Variants in TCHP observed in about 807,000 individuals in gnomAD.
TCHP encodes trichoplein keratin filament binding, also known as trichoplein keratin filament-binding protein.
Under a neutral mutation model 88.7 loss-of-function variants are expected in TCHP, and 81 were observed. The observed-to-expected ratio is 0.91, with a 90% CI of 0.76 to 1.10. TCHP has a LOEUF of 1.10. Ranked by LOEUF, TCHP falls within the 50% of genes least tolerant of loss-of-function variation. The probability of loss-of-function intolerance (pLI) is 0.00; values close to 1 mark genes in which losing one functional copy is unlikely to be tolerated. For missense variants in TCHP, 641 were observed against 632.1 expected (o/e 1.01, Z -0.15); for synonymous variants, 232 against 232.5 (o/e 1.00, Z 0.02).
chr12:109,912,934 C>G, intron 9 of TCHP, 57 bp from the exon 10 acceptor site: 1 of 1,499,144 alleles, frequency 6.7e-7, no homozygotes, highest in Non-Finnish European at 9.3e-7. Flanking sequence ...TGTTCCGTAG[C>G]TCGCTTCCTG....
the TCHP span, among the ~76,000 whole-genome samples, chr12:109,880,917 G>T: frequency 6.6e-6 from 1 of 152,178 alleles, no homozygotes; most frequent in Admixed American, 6.5e-5. This position sits in a 1 kb window ranked among gnomAD's most constrained non-coding sequence, Gnocchi z 5.1. Context: ...GACCTGGGTG[G>T]ACACTGCTCT....
chr12:109,883,725 A>G, the TCHP span, among the ~76,000 whole-genome samples: 59 of 152,268 alleles, frequency 3.9e-4, no homozygotes, highest in African/African-American at 1.4e-3. Context: ...AACACTTTCC[A>G]TTCCAAACAA....
chr12:109,907,586 A>G lies in TCHP; in HGVS notation c.586A>G (p.Arg196Gly), dbSNP rs1349119601. Residue 196 changes from arginine to glycine, a missense_variant, in exon 6 of 13, where the codon AGG becomes GGG. By Grantham distance (125) the Arg-to-Gly change is moderately radical (BLOSUM62 -2). Coordinates refer to ENST00000405876, the MANE Select transcript of TCHP (RefSeq NM_001143852.2). ...RYENEYERAR[R>G]EALERMKAEE... ...TGAAAATGAATATGAAAGGGCCCGA[A>G]GGGAGGCGCTAGAAAGGATGAAAGC... 6.2e-7 allele frequency: 1 copy of G among 1,614,228 alleles called. No individual in the cohort carries two copies.
In TCHP at chr12:109,916,161, G is replaced by A. The variant is rs141433509; in HGVS notation, c.1465-430G>A. The stretch of plus-strand genomic sequence containing the variant: ...TTACCTAGGGCCACCCTGGCCACCC[G>A]GTGCCTAGAGTGCATTCCCCAGGAC... On this transcript the variant is annotated intron_variant, in intron 12 of 12. Coordinates refer to ENST00000405876, the MANE Select transcript of TCHP (RefSeq NM_001143852.2). Among the ~76,000 whole-genome samples, 1,077 of 152,322 alleles carry A rather than the reference G, an allele frequency of 7.1e-3. 7 individuals carry two copies. The highest frequency in any genetic ancestry group is 0.02 in the Middle Eastern group (6 of 294).
In TCHP at chr12:109,917,202, C is replaced by T. The variant is rs1269958139; in HGVS notation, c.*579C>T. On this transcript the variant is annotated 3_prime_UTR_variant, in exon 13 of 13. Coordinates refer to ENST00000405876, the MANE Select transcript of TCHP (RefSeq NM_001143852.2). ...CGGAACACTCTGACGTCCATGGACG[C>T]ATTCCAGAAAAGTGGCAAGAGATGA... The T allele has an allele frequency of 2.6e-5, 4 of 152,200 alleles. No individual in the cohort carries two copies. Among genetic ancestry groups the T allele is most frequent in the Admixed American group, 6.5e-5 (1 of 15,284 alleles). 9.4% of individuals were successfully genotyped at this position (152,200 alleles called of 1,614,324 possible).
At chr12:109,890,196 T>C in the TCHP span, among the ~76,000 whole-genome samples, 1 of 151,918 alleles carries the variant, frequency 6.6e-6, no homozygotes, top group African/African-American at 2.4e-5. Flanking sequence ...GAAGCCTGAC[T>C]GTGTCACAAT....
rs1415077628 is a variant in TCHP at position 109,900,374 on chromosome 12, C to T, written c.-53C>T. 3 of 152,252 alleles carry T rather than the reference C, an allele frequency of 2.0e-5. No homozygotes were observed. Among genetic ancestry groups the T allele is most frequent in the Admixed American group, 1.3e-4 (2 of 15,284 alleles). The allele number at this position is 152,252 out of a possible 1,614,324, so 9.4% of individuals were successfully genotyped here. ...GGGGACTGGCCGGCCCGCTTCGTGC[C>T]TGCGGGAAGTCGGGCCGGGGGACTC... On this transcript the variant is annotated 5_prime_UTR_variant, in exon 1 of 13. Coordinates refer to ENST00000405876, the MANE Select transcript of TCHP (RefSeq NM_001143852.2).
At chr12:109,897,533 T>C (rs954662455), upstream of TCHP, among the ~76,000 whole-genome samples, 6 of 151,156 alleles carry the variant, frequency 4.0e-5, no homozygotes, top group African/African-American at 1.5e-4. Context: ...CCAACTCACA[T>C]ATTTCTTTTT....
the TCHP span, among the ~76,000 whole-genome samples, chr12:109,888,666 C>G: frequency 1.3e-5 from 2 of 152,190 alleles, no homozygotes; most frequent in African/African-American, 4.8e-5. Context: ...TTTATTGCAG[C>G]ATAGTAATAA....
intron 11 of TCHP, 75 bp from the exon 12 acceptor site, chr12:109,915,328 T>TA: frequency 6.2e-7 from 1 of 1,607,592 alleles, no homozygotes; most frequent in South Asian, 1.1e-5. Flanking sequence ...GCCGCAGGCT[T>TA]ACCTTCCTCA....
rs1869985564 is a variant in TCHP, at chr12:109,904,142, A to G, written c.394A>G (p.Lys132Glu). The change falls in exon 3 of 13, where the codon AAA (lysine) becomes GAA (glutamate). Residue 132 changes from lysine (K) to glutamate (E), a missense_variant. Lys to Glu is a moderately conservative substitution (Grantham distance 56). Transcript: ENST00000405876. ...KLKSAKEEQRKLIAEQLLYEH... is the reference protein window; with the variant it reads ...KLKSAKEEQRELIAEQLLYEH... ...GAAATCAGCCAAAGAAGAGCAGAGGAAACTGGTAACTCCCCAGAGGGCTTC... is the reference window on the plus strand; with the variant it reads ...GAAATCAGCCAAAGAAGAGCAGAGGGAACTGGTAACTCCCCAGAGGGCTTC... 3.2e-6 allele frequency: 5 copies of G among 1,567,390 alleles called. No individual in the cohort carries two copies. The highest frequency in any genetic ancestry group is 4.3e-6 in the Non-Finnish European group (5 of 1,155,816).
chr12:109,914,661 C>A (rs774401761), intron 11 of TCHP, 34 bp downstream of exon 11: 32 of 1,572,476 alleles, frequency 2.0e-5, no homozygotes, highest in African/African-American at 4.0e-5. Flanking sequence ...AGGCACCGGG[C>A]CTGCCAGGTT....
chr12:109,901,267 T>G (rs1869774606), intron 1 of TCHP, among the ~76,000 whole-genome samples: 2 of 152,248 alleles, frequency 1.3e-5, no homozygotes, highest in Non-Finnish European at 2.9e-5. Flanking sequence ...GCAAATCACT[T>G]TGTAATGCTT....
chr12:109,884,946 A>G, the TCHP span, among the ~76,000 whole-genome samples: 4 of 152,142 alleles, frequency 2.6e-5, no homozygotes, highest in African/African-American at 9.7e-5. Context: ...AAGGTTTGCC[A>G]TTTGTCCCAG....
At chr12:109,880,857 C>G in the TCHP span, 6 of 152,584 alleles carry the variant, frequency 3.9e-5, no homozygotes, top group Middle Eastern at 3.4e-3. This position sits in a 1 kb window ranked among gnomAD's most constrained non-coding sequence, Gnocchi z 5.1. Flanking sequence ...CCAGCCAACG[C>G]TCCCCAGGAC....
chr12:109,887,718 A>ATGTGAGAAGAAG, the TCHP span: 1 of 151,468 alleles, frequency 6.6e-6, no homozygotes, highest in Admixed American at 6.6e-5. Context: ...AGCTCTGGCC[A>ATGTGAGAAGAAG]CCCCCTCCCC....
Position 109,915,462 on chromosome 12 carries a change from G to C in TCHP, c.1380G>C (p.Glu460Asp). The C allele has an allele frequency of 6.2e-7, 1 of 1,614,172 alleles. No individual in the cohort carries two copies. Among genetic ancestry groups the C allele is most frequent in the South Asian group, 1.1e-5 (1 of 91,082 alleles). The change falls in exon 12 of 13, where the codon GAG becomes GAC. Residue 460 changes from glutamate to aspartate, a missense_variant. By Grantham distance (45) the Glu-to-Asp change is conservative. Transcript: ENST00000405876. ...ACCAGCAGGAGGAGGAGGAAGAGGA[G>C]GAGGCCCGGCGGGTCGAGCAGCTCT... Reference protein sequence around the residue: ...EADQQEEEEEEEARRVEQLSD... With the variant: ...EADQQEEEEEDEARRVEQLSD...
chr12:109,881,468 C>T, the TCHP span, among the ~76,000 whole-genome samples: 1,039 of 152,338 alleles, frequency 6.8e-3, 1 homozygote, highest in Non-Finnish European at 9.4e-3. Flanking sequence ...ATAGAATATT[C>T]ACCAAGTAAC....
intron 1 of TCHP, among the ~76,000 whole-genome samples, chr12:109,902,420 CAA>C (rs57934887): frequency 0.06 from 9,109 of 152,174 alleles, 474 homozygotes; most frequent in African/African-American, 0.13. Context: ...CTCAGCCACC[CAA>C]AGTGTTGGGA....
Sources: allele counts gnomAD v4.1 joint callset (sites outside exome capture counted in the v4.1 genomes callset), GRCh38; gene constraint gnomAD v4.1.1; non-coding constraint Gnocchi (gnomAD v3.1); transcripts MANE v1.5; gene names NCBI Gene and HGNC (gene_info 2026-07-23, HGNC 2026-07-21).